The following NRG1 variants were observed in gnomAD, a reference collection of about 807,000 sequenced individuals.
NRG1 encodes neuregulin 1.
Under a neutral mutation model 63.8 loss-of-function variants are expected in NRG1, and 18 were observed. The observed-to-expected ratio is 0.28, with a 90% CI of 0.19 to 0.42. NRG1 has a LOEUF of 0.42. Ranked by LOEUF, NRG1 falls within the 10% of genes least tolerant of loss-of-function variation. The pLI, the probability that NRG1 is intolerant of heterozygous loss-of-function variation, is 1.00. For missense variants in NRG1, 762 were observed against 814.7 expected, an observed-to-expected ratio of 0.94 and a Z score of 0.79; for synonymous variants, 302 against 301.3, an observed-to-expected ratio of 1.00 and a Z score of -0.02.
chr8:32,112,355 C>T (rs939613750), intron 1 of NRG1, among the ~76,000 whole-genome samples: 3 of 152,130 alleles, frequency 2.0e-5, no homozygotes, highest in Admixed American at 6.6e-5. Context: ...TGTCTGAAGC[C>T]GTGAGGCTGG....
chr8:32,716,929 C>T (rs1281331037), intron 5 of NRG1, among the ~76,000 whole-genome samples: 1 of 151,824 alleles, frequency 6.6e-6, no homozygotes, highest in Non-Finnish European at 1.5e-5. Flanking sequence ...AGTGTGCACA[C>T]CTGTTTGCTT....
chr8:32,764,335 C>T (rs776135585), exon 12 of NRG1: 46 of 1,613,368 alleles, frequency 2.9e-5, no homozygotes, highest in Non-Finnish European at 3.6e-5. Context: ...GGCCGCTTCT[C>T]GACACAGGAA....
intron 5 of NRG1, among the ~76,000 whole-genome samples, chr8:32,725,579 G>A (rs538210791): frequency 7.1e-5 from 10 of 140,902 alleles, no homozygotes; most frequent in East Asian, 2.3e-4. Flanking sequence ...AGGTTCAAGC[G>A]ATTCTCCTGC....
chr8:32,640,629 C>A (rs1266677360), intron 5 of NRG1, among the ~76,000 whole-genome samples: 1 of 142,210 alleles, frequency 7.0e-6, no homozygotes, highest in African/African-American at 2.9e-5. Flanking sequence ...CGCACACACA[C>A]ACACACACAC....
chr8:32,107,739 TAA>T (rs571338088), intron 1 of NRG1, among the ~76,000 whole-genome samples: 2 of 152,194 alleles, frequency 1.3e-5, no homozygotes, highest in Non-Finnish European at 2.9e-5. Context: ...GATATTCTAG[TAA>T]AAGAGTAAAT....
chr8:32,728,388 A>C (rs1242951492), intron 6 of NRG1: 1 of 985,232 alleles, frequency 1.0e-6, no homozygotes, highest in Admixed American at 6.2e-5. Context: ...AGATGTGCAG[A>C]TATCACAGAG....
chr8:32,693,391 C>A (rs987094011), intron 5 of NRG1, among the ~76,000 whole-genome samples: 2 of 151,750 alleles, frequency 1.3e-5, no homozygotes, highest in Non-Finnish European at 2.9e-5. Context: ...CTAATTTTTT[C>A]TATTTTTAGT....
At chr8:32,547,891 G>A (rs1457403786), upstream of NRG1, among the ~76,000 whole-genome samples, 2 of 152,112 alleles carry the variant, frequency 1.3e-5, no homozygotes, top group Non-Finnish European at 2.9e-5. Context: ...TGTGGGAGTC[G>A]CAAACTTTTC....
chr8:32,028,527 C>T (rs542180998), intron 1 of NRG1, among the ~76,000 whole-genome samples: 10 of 152,162 alleles, frequency 6.6e-5, no homozygotes, highest in Admixed American at 3.3e-4. Context: ...TTTTCCAAGA[C>T]CATTTCAGGG....
chr8:32,455,994 C>T (rs943082818), intron 1 of NRG1, among the ~76,000 whole-genome samples: 4 of 152,090 alleles, frequency 2.6e-5, no homozygotes, highest in Admixed American at 6.6e-5. Flanking sequence ...ATGGTGGCCA[C>T]GATGGTCTGG....
rs5890598 is a variant in NRG1 at position 31,800,837 on chromosome 8, C to CTTTTTT, written c.37+161422_37+161427dup. Among the ~76,000 whole-genome samples the CTTTTTT allele has an allele frequency of 4.0e-3, 425 of 104,976 alleles. 3 individuals carry two copies. Among genetic ancestry groups the CTTTTTT allele is most frequent in the Non-Finnish European group, 5.6e-3 (300 of 53,712 alleles). The allele number at this position is 104,976 out of a possible 152,430, so 68.9% of individuals were successfully genotyped here. A position where few individuals can be genotyped will look rare whatever the true frequency, so the allele number is the denominator to read the frequency against. ...GATTTAGATTTCTCCAGTCTCCTTT[C>CTTTTTT]TTTTTTTTTTTTTTTTTTTTTGAGA... On this transcript the variant is annotated intron_variant, in intron 1 of 10. Coordinates refer to the NRG1 transcript ENST00000519301.
At chr8:32,673,754 A>G (rs1368129534) in intron 5 of NRG1, among the ~76,000 whole-genome samples, 2 of 152,180 alleles carry the variant, frequency 1.3e-5, no homozygotes, top group Non-Finnish European at 2.9e-5. Context: ...CCACATTTCT[A>G]AAGACCCATG....
chr8:31,819,591 G>C (rs1378555959), intron 1 of NRG1, among the ~76,000 whole-genome samples: 2 of 152,104 alleles, frequency 1.3e-5, no homozygotes, highest in Admixed American at 6.6e-5. Context: ...GTTAGGTCTT[G>C]AATTTGGAAG....
chr8:32,668,993 A>G (rs1804941346), intron 5 of NRG1, among the ~76,000 whole-genome samples: 1 of 152,242 alleles, frequency 6.6e-6, no homozygotes, highest in East Asian at 1.9e-4. Flanking sequence ...GGAATACAGT[A>G]AAGAAAGCAT....
At chr8:32,099,514 A>G (rs1260524141) in intron 1 of NRG1, 1 of 152,218 alleles carries the variant, frequency 6.6e-6, no homozygotes, top group Admixed American at 6.5e-5. Flanking sequence ...CCTAGGAATC[A>G]CCATCTGATC....
At chr8:32,122,616 T>TTTATTATTA (rs576330252) in intron 1 of NRG1, among the ~76,000 whole-genome samples, 6 of 150,652 alleles carry the variant, frequency 4.0e-5, no homozygotes, top group African/African-American at 1.2e-4. Context: ...TTAAGAACTT[T>TTTATTATTA]TTATTATTAT....
intron 1 of NRG1, among the ~76,000 whole-genome samples, chr8:31,940,916 C>T (rs1038466035): frequency 1.3e-5 from 2 of 151,696 alleles, no homozygotes; most frequent in South Asian, 2.1e-4. Flanking sequence ...AAAAAATTGC[C>T]AACAACAAAA....
At chr8:32,143,046 C>G (rs1373140255) in intron 1 of NRG1, among the ~76,000 whole-genome samples, 1 of 152,128 alleles carries the variant, frequency 6.6e-6, no homozygotes, top group Non-Finnish European at 1.5e-5. Context: ...AGGTTTCTTC[C>G]CATTATGTGA....
At chr8:31,787,357 G>A (rs1280660521) in intron 1 of NRG1, among the ~76,000 whole-genome samples, 1 of 152,116 alleles carries the variant, frequency 6.6e-6, no homozygotes, top group Non-Finnish European at 1.5e-5. Context: ...AGTGATAGCA[G>A]GGATTTAAAT....
Sources: gnomAD v4.1 joint callset for allele counts (sites outside exome capture counted in the v4.1 genomes callset) on GRCh38, gnomAD v4.1.1 for gene constraint, MANE v1.5 for transcripts, NCBI Gene and HGNC (gene_info 2026-07-23, HGNC 2026-07-21) for gene names.